The following TPCN1 variants were observed in gnomAD, a reference collection of about 807,000 sequenced individuals.
The protein encoded by TPCN1 is two pore channel protein 1.
In TPCN1, 52 loss-of-function variants were observed where a neutral mutation model predicts 108.8. The ratio of observed to expected loss-of-function variants is 0.48; its 90% confidence interval spans 0.38 to 0.60. The LOEUF is 0.60. Among genes scored for constraint, TPCN1 ranks in the 20% least tolerant of loss-of-function variants. The pLI, the probability that TPCN1 is intolerant of heterozygous loss-of-function variation, is 0.00. For synonymous variants in TPCN1, 446 were observed against 433.7 expected, an observed-to-expected ratio of 1.03 and a Z score of -0.35; for missense variants, 806 against 1,072.8, an observed-to-expected ratio of 0.75 and a Z score of 3.47.
chr12:113,228,337 T>C (rs1443491168), intron 2 of TPCN1, among the ~76,000 whole-genome samples: 1 of 152,232 alleles, frequency 6.6e-6, no homozygotes, highest in Non-Finnish European at 1.5e-5. Context: ...CCAGGCGTGG[T>C]GGCCCCCACC....
chr12:113,226,867 G>A lies in TPCN1; in HGVS notation c.15G>A (p.Leu5=). ...GAGAAGAGAACATGGCTGTGAGTTT[G>A]GATGACGACGTGCCGCTCATCCTGA... MAVS[L]DDDVPLILTL... The change falls in exon 2 of 28, where the codon TTG becomes TTA. Residue 5 remains leucine (L), a synonymous_variant. Transcript: ENST00000335509. 2 of 1,614,174 alleles carry A rather than the reference G, an allele frequency of 1.2e-6. No homozygotes were observed. The highest frequency in any genetic ancestry group is 1.7e-6 in the Non-Finnish European group (2 of 1,180,036).
chr12:113,267,712 C>T, intron 4 of TPCN1, 131 bp from the exon 5 acceptor site: 1 of 634,192 alleles, frequency 1.6e-6, no homozygotes, highest in Non-Finnish European at 2.9e-6. Flanking sequence ...CATGCGAGGC[C>T]AGGTTTTTGT....
At chr12:113,274,189 A>C (rs988202904) in intron 10 of TPCN1, among the ~76,000 whole-genome samples, 2 of 152,262 alleles carry the variant, frequency 1.3e-5, no homozygotes, top group African/African-American at 2.4e-5. Flanking sequence ...ATGGTGGCTC[A>C]CGCCTGTAAT....
At chr12:113,267,763 A>G (rs559133122) in intron 4 of TPCN1, 80 bp from the exon 5 acceptor site, 1 of 942,096 alleles carries the variant, frequency 1.1e-6, no homozygotes. Flanking sequence ...GGGCACTCCC[A>G]GGTCCTGGGA....
At chr12:113,267,443 G>T (rs1955307438) in intron 4 of TPCN1, among the ~76,000 whole-genome samples, 1 of 150,500 alleles carries the variant, frequency 6.6e-6, no homozygotes, top group African/African-American at 2.4e-5. Flanking sequence ...CTGTTGCCCA[G>T]GCTGGTGTGC....
rs1163826132 is a variant in TPCN1, at chr12:113,269,077, G to A, written c.659+205G>A. Among the ~76,000 whole-genome samples the A allele has an allele frequency of 1.3e-5, 2 of 152,198 alleles. No individual in the cohort carries two copies. The highest frequency in any genetic ancestry group is 4.8e-5 in the African/African-American group (2 of 41,448). On this transcript the variant is annotated intron_variant, in intron 6 of 27. Transcript: ENST00000335509. The surrounding 1 kb of genome is among the most constrained non-coding windows in gnomAD (Gnocchi z 5.0). ...ACCGCAGTGTAGGTTTGCTGCCTCT[G>A]GGTCCAGGGCTTTTTCCCATCTTAT...
rs373432744 is a variant in TPCN1, at chr12:113,231,965, G to A, written c.112+5001G>A. Among the ~76,000 whole-genome samples the A allele has an allele frequency of 6.6e-6, 1 of 152,184 alleles. No individual in the cohort carries two copies. The highest frequency in any genetic ancestry group is 2.4e-5 in the African/African-American group (1 of 41,450). On this transcript the variant is annotated intron_variant, in intron 2 of 27. Transcript: ENST00000335509. The surrounding 1 kb of genome is among the most constrained non-coding windows in gnomAD (Gnocchi z 4.3). ...GAATCAGGACGAGTCTGAATGTAGT[G>A]GGCAGTCCAAGGAATTTCCCAGGGT...
intron 2 of TPCN1, among the ~76,000 whole-genome samples, chr12:113,243,005 T>A (rs988900181): frequency 6.6e-6 from 1 of 152,236 alleles, no homozygotes; most frequent in African/African-American, 2.4e-5. Context: ...ATGCCTGGTA[T>A]ACAGTAAGTG....
intron 2 of TPCN1, among the ~76,000 whole-genome samples, chr12:113,247,005 G>A (rs1191934914): frequency 6.6e-6 from 1 of 152,222 alleles, no homozygotes; most frequent in African/African-American, 2.4e-5. Context: ...CCCAGGGTCT[G>A]TGGGCAGTAG....
rs1379633399 is a variant in TPCN1 at position 113,288,607 on chromosome 12, C to T, written c.1707-151C>T. 1.3e-5 allele frequency: 20 copies of T among 1,501,928 alleles called. No homozygotes were observed. In the East Asian group the frequency reaches 3.3e-4, roughly 25 times the overall value. The allele number at this position is 1,501,928 out of a possible 1,614,324, so 93.0% of individuals were successfully genotyped here. A position where few individuals can be genotyped will look rare whatever the true frequency, so the allele number is the denominator to read the frequency against. On this transcript the variant is annotated intron_variant, in intron 20 of 27. Coordinates refer to ENST00000335509, the MANE Select transcript of TPCN1 (RefSeq NM_017901.6). This position sits in a 1 kb window ranked among gnomAD's most constrained non-coding sequence, Gnocchi z 4.8. ...TGTTTTTCACCCCAGAGCTGCCCCA[C>T]GAGGCCCCTTCCCCGCAGGCACTTT... is the stretch of plus-strand genomic sequence containing the variant.
rs760158248 is a variant in TPCN1, at chr12:113,298,352, C to G, written c.*2276C>G. The G allele has an allele frequency of 6.6e-6, 1 of 152,320 alleles. No homozygotes were observed. The highest frequency in any genetic ancestry group is 1.5e-5 in the Non-Finnish European group (1 of 68,114). 9.4% of individuals were successfully genotyped at this position (152,320 alleles called of 1,614,324 possible). A position where few individuals can be genotyped will look rare whatever the true frequency, so the allele number is the denominator to read the frequency against. On this transcript the variant is annotated 3_prime_UTR_variant, in exon 28 of 28. Coordinates refer to ENST00000335509, the MANE Select transcript of TPCN1 (RefSeq NM_017901.6). ...CATAGTTGAGTGCACCCAAGTGGCACCCACTGGCGGCCAGGGGCACAGCCT... is the reference window on the plus strand; with the variant it reads ...CATAGTTGAGTGCACCCAAGTGGCAGCCACTGGCGGCCAGGGGCACAGCCT...
At chr12:113,267,778 T>C (rs993162012) in intron 4 of TPCN1, 65 bp from the exon 5 acceptor site, 10 of 1,129,648 alleles carry the variant, frequency 8.9e-6, no homozygotes, top group Non-Finnish European at 1.2e-5. Context: ...CTGGGAGGGT[T>C]GGGCAAAGAG....
intron 2 of TPCN1, among the ~76,000 whole-genome samples, chr12:113,248,345 G>A (rs942496473): frequency 3.9e-5 from 6 of 152,236 alleles, no homozygotes; most frequent in African/African-American, 1.2e-4. Flanking sequence ...CTGTTCTGGG[G>A]CCTGGGAACA....
intron 3 of TPCN1, among the ~76,000 whole-genome samples, chr12:113,260,794 G>A (rs1345504884): frequency 6.6e-6 from 1 of 152,152 alleles, no homozygotes; most frequent in Admixed American, 6.5e-5. Flanking sequence ...GAGAGGCCAC[G>A]TTCTCAGGAG....
Position 113,296,049 on chromosome 12 carries a change from C to G in TPCN1, c.2424C>G (p.Ser808Arg). 2 of 1,613,324 alleles carry G rather than the reference C, an allele frequency of 1.2e-6. No homozygotes were observed. Among genetic ancestry groups the G allele is most frequent in the Non-Finnish European group, 1.7e-6 (2 of 1,179,864 alleles). ...CCGCCGCCCAGCAGCCCCCAGGCAGCCGCCAGCGCTCCCAGACCGTTACCT... is the reference window on the plus strand; with the variant it reads ...CCGCCGCCCAGCAGCCCCCAGGCAGGCGCCAGCGCTCCCAGACCGTTACCT... Reference protein sequence around the residue: ...AAPAAQQPPGSRQRSQTVT With the variant: ...AAPAAQQPPGRRQRSQTVT Residue 808 changes from serine (S) to arginine (R), a missense_variant, in exon 28 of 28, where the codon AGC (serine) becomes AGG (arginine). Coordinates refer to ENST00000335509, the MANE Select transcript of TPCN1 (RefSeq NM_017901.6).
chr12:113,267,752 G>A, intron 4 of TPCN1, 91 bp from the exon 5 acceptor site: 1 of 823,604 alleles, frequency 1.2e-6, no homozygotes, highest in South Asian at 1.4e-5. Context: ...AGGATGTCCT[G>A]GGGCACTCCC....
rs537091390 is a variant in TPCN1 at position 113,296,607 on chromosome 12, C to G, written c.*531C>G. 1.3e-5 allele frequency: 2 copies of G among 153,448 alleles called. No individual in the cohort carries two copies. Among genetic ancestry groups the G allele is most frequent in the African/African-American group, 2.4e-5 (1 of 41,486 alleles). The allele number at this position is 153,448 out of a possible 1,614,324, so 9.5% of individuals were successfully genotyped here. A position where few individuals can be genotyped will look rare whatever the true frequency, so the allele number is the denominator to read the frequency against. ...GTGATAATGTCACGCAACACCTCTT[C>G]GGGGACCAGTGCCCAGGATCTAATG... On this transcript the variant is annotated 3_prime_UTR_variant, in exon 28 of 28. Transcript: ENST00000335509.
Position 113,272,420 on chromosome 12 carries a change from G to A in TPCN1, c.749-238G>A, listed in dbSNP as rs914759330. On this transcript the variant is annotated intron_variant, in intron 7 of 27. Coordinates refer to ENST00000335509, the MANE Select transcript of TPCN1 (RefSeq NM_017901.6). The surrounding 1 kb of genome is among the most constrained non-coding windows in gnomAD (Gnocchi z 4.1). Reference sequence around the variant, plus strand: ...CAAAAATACAGACTTCCAGCCTTTTGAAAGAACAGAGCCGATAGTGCCCGG... The same window carrying A: ...CAAAAATACAGACTTCCAGCCTTTTAAAAGAACAGAGCCGATAGTGCCCGG... Among the ~76,000 whole-genome samples, 3 of 152,216 alleles carry A rather than the reference G, an allele frequency of 2.0e-5. No individual in the cohort carries two copies. Among genetic ancestry groups the A allele is most frequent in the African/African-American group, 7.2e-5 (3 of 41,466 alleles).
intron 2 of TPCN1, among the ~76,000 whole-genome samples, chr12:113,255,652 A>C (rs1401866031): frequency 6.6e-6 from 1 of 151,960 alleles, no homozygotes; most frequent in African/African-American, 2.4e-5. Flanking sequence ...CAGCCTCCTG[A>C]GTAGCTGGGA....
Sources: allele counts gnomAD v4.1 joint callset (sites outside exome capture counted in the v4.1 genomes callset), GRCh38; gene constraint gnomAD v4.1.1; non-coding constraint Gnocchi (gnomAD v3.1); transcripts MANE v1.5; gene names NCBI Gene and HGNC (gene_info 2026-07-23, HGNC 2026-07-21).